COL18A1: variants seen among roughly 807,000 people sequenced by gnomAD.
COL18A1 encodes collagen alpha-1(XVIII) chain.
COL18A1 carries 133 observed loss-of-function variants against 168.0 expected under a neutral mutation model. That is an observed-to-expected ratio of 0.79 (90% CI 0.69 to 0.91). The LOEUF (loss-of-function observed/expected upper bound fraction) is 0.91. Ranked by LOEUF, COL18A1 falls within the 40% of genes least tolerant of loss-of-function variation. COL18A1 has a pLI of 0.00. For synonymous variants in COL18A1, 949 were observed against 809.0 expected (o/e 1.17, Z -2.94); for missense variants, 2,126 against 1,925.4 (o/e 1.10, Z -1.95).
At chr21:45,428,180 G>C (rs1051616840) in intron 2 of COL18A1, among the ~76,000 whole-genome samples, 7 of 152,204 alleles carry the variant, frequency 4.6e-5, no homozygotes, top group Non-Finnish European at 1.0e-4. Context: ...GGCGGCGTCT[G>C]GGCCTGGGGG....
At chr21:45,509,968 C>T in intron 39 of COL18A1, 96 bp from the exon 40 acceptor site, 2 of 1,402,428 alleles carry the variant, frequency 1.4e-6, no homozygotes, top group East Asian at 2.5e-5. Flanking sequence ...TCGGCCGTGC[C>T]TGTCCACACA....
intron 2 of COL18A1, among the ~76,000 whole-genome samples, chr21:45,412,851 G>A (rs1263890089): frequency 2.0e-5 from 3 of 152,236 alleles, no homozygotes; most frequent in Non-Finnish European, 4.4e-5. Context: ...TGGCTAAACT[G>A]TCAGGAAGCC....
At chr21:45,491,487 G>GC (rs200882388) in intron 22 of COL18A1, among the ~76,000 whole-genome samples, 173 bp downstream of exon 22, 3 of 151,456 alleles carry the variant, frequency 2.0e-5, no homozygotes, top group Non-Finnish European at 2.9e-5. Flanking sequence ...GGTCAGAGAC[G>GC]CCTGGGGAGC....
At position 45,467,362 on chromosome 21, in the gene COL18A1, C is replaced by T. The variant is rs560594800; in HGVS notation, c.107-880C>T. The stretch of plus-strand genomic sequence containing the variant: ...GGAATGAGTGGAGTGAGTCACCCGG[C>T]GCTGTGGGGCATTTGCACGGAGCAG... On this transcript the variant is annotated intron_variant, in intron 2 of 41. Transcript: ENST00000651438. The T allele has an allele frequency of 5.4e-4, 531 of 985,390 alleles. 1 individual carries two copies. Among genetic ancestry groups the T allele is most frequent in the Non-Finnish European group, 5.8e-4 (484 of 829,914 alleles). The allele number at this position is 985,390 out of a possible 1,614,324, so 61.0% of individuals were successfully genotyped here. A position where few individuals can be genotyped will look rare whatever the true frequency, so the allele number is the denominator to read the frequency against.
At position 45,495,872 on chromosome 21, in the gene COL18A1, C is replaced by T. The variant is rs558299945; in HGVS notation, c.2508+440C>T. The T allele has an allele frequency of 3.8e-5, 12 of 319,002 alleles. No homozygotes were observed. In the East Asian group the frequency reaches 4.0e-4, roughly 11 times the overall value. The allele number at this position is 319,002 out of a possible 1,614,324, so 19.8% of individuals were successfully genotyped here. On this transcript the variant is annotated intron_variant, in intron 29 of 41. Coordinates refer to ENST00000651438, the MANE Select transcript of COL18A1 (RefSeq NM_001379500.1). ...ACACTCATACATGTGCACGTATCCACATGTGTATCCACATACATGACTATG... is the reference window on the plus strand; with the variant it reads ...ACACTCATACATGTGCACGTATCCATATGTGTATCCACATACATGACTATG...
intron 2 of COL18A1, among the ~76,000 whole-genome samples, chr21:45,441,734 G>A (rs2034375180): frequency 1.3e-5 from 2 of 152,242 alleles, no homozygotes; most frequent in South Asian, 2.1e-4. Context: ...ATGGCATGGC[G>A]CCGGGTCAGC....
chr21:45,482,907 G>A (rs1297457478), intron 15 of COL18A1, 86 bp downstream of exon 15: 8 of 1,598,252 alleles, frequency 5.0e-6, no homozygotes, highest in East Asian at 4.5e-5. Flanking sequence ...GCAGCCCCAC[G>A]GTCGAGAGAG....
intron 2 of COL18A1, among the ~76,000 whole-genome samples, chr21:45,461,521 C>T (rs75379622): frequency 0.071 from 10,827 of 152,196 alleles, 514 homozygotes; most frequent in South Asian, 0.19. Flanking sequence ...CTGGTGCCCC[C>T]CTGCAGGGCT....
chr21:45,411,775 G>GGGGGGGGGGGT, intron 2 of COL18A1, among the ~76,000 whole-genome samples: 1 of 131,866 alleles, frequency 7.6e-6, no homozygotes, highest in East Asian at 3.7e-4. Flanking sequence ...GTGGGGGGGG[G>GGGGGGGGGGGT]GCAGGCTGTG....
intron 3 of COL18A1, 128 bp downstream of exon 3, chr21:45,468,914 C>G (rs147545533): frequency 1.3e-5 from 13 of 1,037,646 alleles, no homozygotes; most frequent in Non-Finnish European, 1.8e-5. Context: ...GTGGTCAGCC[C>G]GGGCCTCCAG....
chr21:45,492,846 G>A, intron 24 of COL18A1, 133 bp downstream of exon 24: 1 of 787,210 alleles, frequency 1.3e-6, no homozygotes, highest in Non-Finnish European at 2.2e-6. Context: ...CTGCCCCCAA[G>A]GAAATGATGG....
chr21:45,457,246 C>T lies in COL18A1; in HGVS notation c.107-10996C>T, dbSNP rs1330706186. Among the ~76,000 whole-genome samples the T allele has an allele frequency of 6.6e-6, 1 of 152,142 alleles. No homozygotes were observed. The highest frequency in any genetic ancestry group is 2.4e-5 in the African/African-American group (1 of 41,426). ...AGTGGCGTGACTCACCCCAGGGAGC[C>T]GAGATTCCCGCTCAGGTGTGGCTGC... is the stretch of plus-strand genomic sequence containing the variant. On this transcript the variant is annotated intron_variant, in intron 2 of 41. Transcript: ENST00000651438. This position sits in a 1 kb window ranked among gnomAD's most constrained non-coding sequence, Gnocchi z 4.6.
At position 45,496,490 on chromosome 21, in the gene COL18A1, C is replaced by T; in HGVS notation, c.2509-10C>T. 7.8e-7 allele frequency: 1 copy of T among 1,284,408 alleles called. No individual in the cohort carries two copies. Among genetic ancestry groups the T allele is most frequent in the South Asian group, 1.2e-5 (1 of 84,630 alleles). 79.6% of individuals were successfully genotyped at this position (1,284,408 alleles called of 1,614,324 possible). ...GCCATAAGCCTAACAGCTCTCTGCC[C>T]TCCCCACAGGGAATGCCCGGCCCCC... On this transcript the variant is annotated splice_polypyrimidine_tract_variant and intron_variant, in intron 29 of 41. Transcript: ENST00000651438.
In COL18A1 at chr21:45,498,416, T is replaced by A; in HGVS notation, c.2683+755T>A. 1 of 680,442 alleles carries A rather than the reference T, an allele frequency of 1.5e-6. No individual in the cohort carries two copies. The allele number at this position is 680,442 out of a possible 1,614,324, so 42.2% of individuals were successfully genotyped here. Reference sequence around the variant, plus strand: ...GTCCCCTCTCGCCGCCAGGGTCCCCTCTCGCCGCCACGGTCCCCTCTCGCC... The same window carrying A: ...GTCCCCTCTCGCCGCCAGGGTCCCCACTCGCCGCCACGGTCCCCTCTCGCC... On this transcript the variant is annotated intron_variant, in intron 32 of 41. Transcript: ENST00000651438. This position sits in a 1 kb window ranked among gnomAD's most constrained non-coding sequence, Gnocchi z 4.5.
In COL18A1 at chr21:45,468,542, C is replaced by G. The variant is rs764931290; in HGVS notation, c.407C>G (p.Ser136Cys). 1.9e-6 allele frequency: 3 copies of G among 1,613,312 alleles called. No individual in the cohort carries two copies. The highest frequency in any genetic ancestry group is 2.5e-6 in the Non-Finnish European group (3 of 1,179,882). Reference protein sequence around the residue: ...SGVQDGHQDISLLYTEPGAGQ... With the variant: ...SGVQDGHQDICLLYTEPGAGQ... ...GTGCAGGACGGGCACCAGGACATCT[C>G]CCTGCTCTACACAGAACCAGGTGCA... The change falls in exon 3 of 42, where the codon TCC becomes TGC. Residue 136 changes from serine to cysteine, a missense_variant. Physicochemically the swap from Ser to Cys is moderately radical, Grantham distance 112. Coordinates refer to ENST00000651438, the MANE Select transcript of COL18A1 (RefSeq NM_001379500.1).
chr21:45,480,438 C>T (rs774183392), intron 11 of COL18A1, 29 bp from the exon 12 acceptor site: 42 of 1,613,956 alleles, frequency 2.6e-5, no homozygotes, highest in Admixed American at 3.3e-5. Flanking sequence ...GAGCTCAGGG[C>T]AACGTGTCTC....
chr21:45,449,523 G>A (rs1260045655), intron 2 of COL18A1, among the ~76,000 whole-genome samples: 2 of 152,138 alleles, frequency 1.3e-5, no homozygotes, highest in South Asian at 2.1e-4. Context: ...GGAATCGGGG[G>A]ACAGAAGCCT....
intron 32 of COL18A1, chr21:45,502,429 G>C (rs2036915883): frequency 6.6e-6 from 1 of 152,226 alleles, no homozygotes; most frequent in African/African-American, 2.4e-5. Context: ...ATCAGCCTAA[G>C]ATGTTAAAGA....
At chr21:45,506,581 C>A (rs577244599) in intron 37 of COL18A1, 10 of 179,478 alleles carry the variant, frequency 5.6e-5, no homozygotes, top group Non-Finnish European at 2.4e-5. Flanking sequence ...TGCAGGGCCC[C>A]GGGAAGGTTT....
Sources: allele counts gnomAD v4.1 joint callset (sites outside exome capture counted in the v4.1 genomes callset), GRCh38; gene constraint gnomAD v4.1.1; non-coding constraint Gnocchi (gnomAD v3.1); transcripts MANE v1.5; gene names NCBI Gene and HGNC (gene_info 2026-07-23, HGNC 2026-07-21).